The following NAV2 variants were observed in gnomAD, a reference collection of about 807,000 sequenced individuals.
NAV2 encodes the protein neuron navigator 2, also known as helicase, APC down-regulated 1.
NAV2 carries 54 observed loss-of-function variants against 223.2 expected under a neutral mutation model. The observed-to-expected ratio is 0.24, with a 90% confidence interval of 0.19 to 0.30. The LOEUF (loss-of-function observed/expected upper bound fraction) is 0.30, where lower values mean the gene tolerates loss of function less well. Ranked by LOEUF, NAV2 falls within the 10% of genes least tolerant of loss-of-function variation. The probability of loss-of-function intolerance (pLI) is 1.00; values close to 1 mark genes in which losing one functional copy is unlikely to be tolerated. For missense variants in NAV2, 2,806 were observed against 3,147.5 expected (o/e 0.89, Z 2.60); for synonymous variants, 1,279 against 1,239.3 (o/e 1.03, Z -0.67).
At chr11:19,416,133 T>C (rs981785312) in intron 1 of NAV2, among the ~76,000 whole-genome samples, 5 of 152,132 alleles carry the variant, frequency 3.3e-5, no homozygotes, top group Admixed American at 6.5e-5. Context: ...GGTATTCAAA[T>C]AGAAAGAGAG....
intron 9 of NAV2, among the ~76,000 whole-genome samples, chr11:19,948,021 C>A (rs1379807078): frequency 6.6e-6 from 1 of 152,086 alleles, no homozygotes; most frequent in African/African-American, 2.4e-5. Context: ...AACCTTCATG[C>A]CCCATCCTAA....
chr11:19,854,574 A>G (rs577201172), intron 3 of NAV2, among the ~76,000 whole-genome samples: 2 of 152,044 alleles, frequency 1.3e-5, no homozygotes, highest in African/African-American at 4.8e-5. Flanking sequence ...ACCATTCCCT[A>G]TTGTCTTATA....
chr11:19,381,457 A>G (rs972979711), intron 1 of NAV2, among the ~76,000 whole-genome samples: 2 of 152,214 alleles, frequency 1.3e-5, no homozygotes, highest in East Asian at 1.9e-4. Flanking sequence ...GGGATCTTTC[A>G]AAATCTGGGT....
intron 1 of NAV2, among the ~76,000 whole-genome samples, chr11:19,744,812 A>G (rs539713755): frequency 1.3e-5 from 2 of 152,184 alleles, no homozygotes; most frequent in Non-Finnish European, 2.9e-5. Flanking sequence ...TCTCTTAGGC[A>G]TCTCCTGACA....
chr11:19,518,566 C>T (rs972733953), intron 1 of NAV2: 1 of 152,222 alleles, frequency 6.6e-6, no homozygotes, highest in African/African-American at 2.4e-5. Context: ...AACAAAGTAC[C>T]CTGCCTTTTG....
At chr11:19,599,471 T>A (rs535714407) in intron 1 of NAV2, among the ~76,000 whole-genome samples, 1 of 152,336 alleles carries the variant, frequency 6.6e-6, no homozygotes, top group East Asian at 1.9e-4. Flanking sequence ...CTCCACTTCA[T>A]CTCAGACACA....
chr11:20,031,734 TTGTGTGTG>T (rs5790104), intron 11 of NAV2, among the ~76,000 whole-genome samples: 7 of 149,108 alleles, frequency 4.7e-5, no homozygotes, highest in Non-Finnish European at 8.9e-5. Context: ...CATTTTCGCT[TTGTGTGTG>T]TGTGTGTGTG....
intron 30 of NAV2, among the ~76,000 whole-genome samples, chr11:20,096,134 A>T (rs1258639704): frequency 2.0e-5 from 3 of 152,218 alleles, no homozygotes; most frequent in Non-Finnish European, 4.4e-5. Flanking sequence ...CAGGGCTTAG[A>T]CACCAGATTT....
At chr11:19,386,416 T>C (rs1386211036) in intron 1 of NAV2, among the ~76,000 whole-genome samples, 4 of 152,182 alleles carry the variant, frequency 2.6e-5, no homozygotes. Context: ...ACCCATCTCA[T>C]ATGGTTGATT....
chr11:19,514,642 C>T (rs886993006), intron 1 of NAV2, among the ~76,000 whole-genome samples: 2 of 152,134 alleles, frequency 1.3e-5, no homozygotes, highest in African/African-American at 2.4e-5. Context: ...TTTACTGCCT[C>T]GGTGGGGCTC....
At chr11:19,910,333 G>C (rs951553890) in intron 6 of NAV2, among the ~76,000 whole-genome samples, 1 of 152,132 alleles carries the variant, frequency 6.6e-6, no homozygotes, top group Non-Finnish European at 1.5e-5. Flanking sequence ...ATTGCTGGAG[G>C]TGCAACTATG....
chr11:19,600,511 A>C (rs1565089401), intron 1 of NAV2, among the ~76,000 whole-genome samples: 1 of 152,074 alleles, frequency 6.6e-6, no homozygotes, highest in Non-Finnish European at 1.5e-5. Context: ...ATCCCCCAAA[A>C]CTTTTGAGGA....
chr11:19,932,358 C>T (rs188905529), intron 6 of NAV2, among the ~76,000 whole-genome samples: 285 of 150,668 alleles, frequency 1.9e-3, no homozygotes, highest in Middle Eastern at 3.5e-3. Context: ...TTTTCTGAGA[C>T]AGAGTCTCAC....
chr11:19,969,716 G>A (rs2049058762), intron 10 of NAV2, among the ~76,000 whole-genome samples: 1 of 152,108 alleles, frequency 6.6e-6, no homozygotes, highest in Non-Finnish European at 1.5e-5. Context: ...GCTGAGGCGG[G>A]CGGATAATGA....
intron 10 of NAV2, among the ~76,000 whole-genome samples, chr11:19,956,310 A>C (rs2047858611): frequency 6.6e-6 from 1 of 152,068 alleles, no homozygotes; most frequent in Non-Finnish European, 1.5e-5. Context: ...GAGTTAGCCT[A>C]GACGCCACAG....
At chr11:19,615,403 G>C (rs952756111) in intron 1 of NAV2, among the ~76,000 whole-genome samples, 1 of 151,900 alleles carries the variant, frequency 6.6e-6, no homozygotes, top group African/African-American at 2.4e-5. Context: ...TGTTGTAAAA[G>C]CCAAGTAAGT....
chr11:19,778,057 A>G, intron 1 of NAV2: 1 of 444,602 alleles, frequency 2.2e-6, no homozygotes, highest in South Asian at 1.6e-5. Context: ...GCAAAGAACC[A>G]TCCAGGGTGC....
At chr11:19,699,472 G>T (rs2152280402) in intron 1 of NAV2, among the ~76,000 whole-genome samples, 1 of 152,172 alleles carries the variant, frequency 6.6e-6, no homozygotes, top group Admixed American at 6.5e-5. Context: ...ATTTTGAAGA[G>T]TCAGAAAGAT....
At chr11:19,722,025 A>G (rs2050786519) in intron 1 of NAV2, among the ~76,000 whole-genome samples, 1 of 152,210 alleles carries the variant, frequency 6.6e-6, no homozygotes, top group African/African-American at 2.4e-5. Context: ...CCTGAATAGT[A>G]TTTGTCACCG....
Sources: allele counts gnomAD v4.1 joint callset (sites outside exome capture counted in the v4.1 genomes callset), GRCh38; gene constraint gnomAD v4.1.1; transcripts MANE v1.5; gene names NCBI Gene and HGNC (gene_info 2026-07-23, HGNC 2026-07-21).